PCDH15: variants seen among roughly 807,000 people sequenced by gnomAD.
PCDH15 encodes the protein protocadherin related 15.
A neutral mutation model predicts 178.5 loss-of-function variants in PCDH15; 129 were observed. That is an observed-to-expected ratio of 0.72 (90% CI 0.63 to 0.84). PCDH15 has a LOEUF of 0.84. Ranked by LOEUF, PCDH15 falls within the 40% of genes least tolerant of loss-of-function variation. The probability of loss-of-function intolerance (pLI) is 0.00; values close to 1 mark genes in which losing one functional copy is unlikely to be tolerated. For missense variants in PCDH15, 2,230 were observed against 2,099.9 expected (o/e 1.06, Z -1.21); for synonymous variants, 800 against 732.0 (o/e 1.09, Z -1.50).
At chr10:54,057,544 GGATAC>G (rs1268399581) in intron 18 of PCDH15, among the ~76,000 whole-genome samples, 1 of 152,030 alleles carries the variant, frequency 6.6e-6, no homozygotes, top group Non-Finnish European at 1.5e-5. Flanking sequence ...TAAGTCATGA[GGATAC>G]ACACAGCAGA....
intron 30 of PCDH15, chr10:53,831,015 A>C: frequency 1.9e-6 from 1 of 539,470 alleles, no homozygotes. Flanking sequence ...CTTCTCTCCC[A>C]AGTTGGCTCT....
chr10:54,667,908 T>A (rs1210133471), intron 1 of PCDH15, among the ~76,000 whole-genome samples: 2 of 152,100 alleles, frequency 1.3e-5, no homozygotes, highest in Non-Finnish European at 2.9e-5. Context: ...GTTGTCAAAA[T>A]ACTGGGGAAA....
At chr10:54,077,924 G>A (rs565752723) in intron 17 of PCDH15, among the ~76,000 whole-genome samples, 35 of 152,198 alleles carry the variant, frequency 2.3e-4, no homozygotes, top group Non-Finnish European at 3.2e-4. Context: ...TTAGCCAGGC[G>A]TGGTATCATA....
At chr10:54,571,507 C>T (rs2089837775) in intron 2 of PCDH15, among the ~76,000 whole-genome samples, 1 of 151,972 alleles carries the variant, frequency 6.6e-6, no homozygotes, top group Admixed American at 6.6e-5. Flanking sequence ...CATTAGAACA[C>T]AATTATAACA....
chr10:54,457,844 G>C (rs2076927872), intron 3 of PCDH15, among the ~76,000 whole-genome samples: 1 of 152,136 alleles, frequency 6.6e-6, no homozygotes, highest in African/African-American at 2.4e-5. Context: ...TATAAAATCT[G>C]TGTATTGAGT....
In PCDH15 at chr10:55,107,371, A is replaced by G. The variant is rs1837375899; in HGVS notation, c.-80+59205T>C. ...ACAACAGGCTTATCAAGACACTTTT[A>G]TTAGGTCATACATGAAAATTTTTAC... is the stretch of plus-strand genomic sequence containing the variant. On this transcript the variant is annotated intron_variant, in intron 2 of 5. Transcript: ENST00000458638. 2.6e-5 allele frequency among the ~76,000 whole-genome samples: 4 copies of G among 152,024 alleles called. No individual in the cohort carries two copies. The South Asian group carries it at 8.3e-4, about 32-fold the overall frequency.
chr10:54,969,738 C>T (rs187668183), intron 2 of PCDH15, among the ~76,000 whole-genome samples: 1 of 152,280 alleles, frequency 6.6e-6, no homozygotes, highest in East Asian at 1.9e-4. Context: ...AGGCTATAAT[C>T]CAGCATAATC....
At chr10:55,375,320 AT>A (rs992399364) in intron 2 of PCDH15, among the ~76,000 whole-genome samples, 10 of 151,924 alleles carry the variant, frequency 6.6e-5, no homozygotes, top group Admixed American at 2.0e-4. Context: ...TTTTTAAGTG[AT>A]TTTTTTTCCT....
chr10:55,520,636 A>G (rs559099066), intron 2 of PCDH15, among the ~76,000 whole-genome samples: 1 of 151,342 alleles, frequency 6.6e-6, no homozygotes, highest in East Asian at 2.0e-4. Flanking sequence ...AGAATTCTCC[A>G]TAGTATAATG....
At chr10:54,810,107 A>G (rs1952839777) in intron 3 of PCDH15, among the ~76,000 whole-genome samples, 1 of 152,142 alleles carries the variant, frequency 6.6e-6, no homozygotes, top group African/African-American at 2.4e-5. Context: ...GCTCCCCCCA[A>G]AAATGAATGC....
chr10:55,613,897 A>C (rs1843421387), intron 2 of PCDH15, among the ~76,000 whole-genome samples: 1 of 152,124 alleles, frequency 6.6e-6, no homozygotes, highest in African/African-American at 2.4e-5. Flanking sequence ...ACACAAGGTC[A>C]GGAGATCGAG....
intron 26 of PCDH15, among the ~76,000 whole-genome samples, chr10:53,891,109 G>A (rs1029322811): frequency 2.6e-5 from 4 of 151,800 alleles, no homozygotes; most frequent in Non-Finnish European, 5.9e-5. Context: ...CCTTATATTC[G>A]TGTTATAGAT....
intron 6 of PCDH15, among the ~76,000 whole-genome samples, chr10:54,344,873 TA>T (rs1208452052): frequency 1.0e-4 from 3 of 29,760 alleles, no homozygotes; most frequent in Admixed American, 4.2e-4. Flanking sequence ...TGTCTCTGCC[TA>T]AAAAAAAGTC....
At chr10:54,072,326 A>G (rs970093103) in intron 17 of PCDH15, among the ~76,000 whole-genome samples, 2 of 152,202 alleles carry the variant, frequency 1.3e-5, no homozygotes, top group Non-Finnish European at 2.9e-5. Flanking sequence ...AGCGCAAGTC[A>G]TCTTGTTGCT....
chr10:54,597,445 G>T (rs2092297998), intron 2 of PCDH15, among the ~76,000 whole-genome samples: 1 of 152,034 alleles, frequency 6.6e-6, no homozygotes, highest in South Asian at 2.1e-4. Context: ...CACAATTAAG[G>T]CAGTGTTGAG....
At chr10:54,273,855 C>A (rs1433287544) in intron 8 of PCDH15, among the ~76,000 whole-genome samples, 1 of 152,020 alleles carries the variant, frequency 6.6e-6, no homozygotes, top group Non-Finnish European at 1.5e-5. Flanking sequence ...CCTTTTATTT[C>A]CTTCTCTAAG....
chr10:54,805,505 G>C (rs1239160769), upstream of PCDH15, among the ~76,000 whole-genome samples: 1 of 152,172 alleles, frequency 6.6e-6, no homozygotes, highest in African/African-American at 2.4e-5. Flanking sequence ...TCTTTGTCAT[G>C]ATTTCATGTT....
intron 2 of PCDH15, among the ~76,000 whole-genome samples, chr10:55,137,517 A>AT (rs1483281722): frequency 7.6e-6 from 1 of 131,580 alleles, no homozygotes; most frequent in Non-Finnish European, 1.6e-5. Flanking sequence ...TAAGTGATGC[A>AT]TGACTGTAAC....
chr10:54,094,045 G>A (rs143800654), intron 15 of PCDH15, among the ~76,000 whole-genome samples: 105 of 152,200 alleles, frequency 6.9e-4, no homozygotes, highest in African/African-American at 2.3e-3. Context: ...TGAGTTTAAC[G>A]GGGGAGATTC....
Sources: gnomAD v4.1 joint callset for allele counts (sites outside exome capture counted in the v4.1 genomes callset) on GRCh38, gnomAD v4.1.1 for gene constraint, MANE v1.5 for transcripts, NCBI Gene and HGNC (gene_info 2026-07-23, HGNC 2026-07-21) for gene names.